Variants in BCAS4 observed in about 807,000 individuals in gnomAD.
BCAS4 encodes breast carcinoma-amplified sequence 4.
Under a neutral mutation model 15.7 loss-of-function variants are expected in BCAS4, and 9 were observed. The observed-to-expected ratio is 0.57, with a 90% CI of 0.34 to 1.00. BCAS4 has a LOEUF of 1.00. Among genes scored for constraint, BCAS4 ranks in the 50% least tolerant of loss-of-function variants. BCAS4 has a pLI of 0.02. For synonymous variants in BCAS4, 101 were observed against 99.5 expected (o/e 1.02, Z -0.09); for missense variants, 225 against 239.1 (o/e 0.94, Z 0.39).
intron 2 of BCAS4, among the ~76,000 whole-genome samples, chr20:50,818,500 T>C (rs1178513297): frequency 6.6e-6 from 1 of 152,220 alleles, no homozygotes; most frequent in Non-Finnish European, 1.5e-5. Context: ...GAGGCGGCCA[T>C]CTTGATCTCG....
At chr20:50,801,543 G>C (rs944680607) in intron 1 of BCAS4, among the ~76,000 whole-genome samples, 1 of 152,152 alleles carries the variant, frequency 6.6e-6, no homozygotes, top group Non-Finnish European at 1.5e-5. Context: ...GTCTTGCTAT[G>C]TTGCCCAGGC....
At chr20:50,880,120 T>C (rs1294821934), downstream of BCAS4, 2 of 152,382 alleles carry the variant, frequency 1.3e-5, no homozygotes, top group Non-Finnish European at 2.9e-5. Flanking sequence ...TCTCTGGGTT[T>C]CCCTGTCCTG....
chr20:50,825,260 A>T (rs952144755), intron 2 of BCAS4, among the ~76,000 whole-genome samples: 1 of 152,188 alleles, frequency 6.6e-6, no homozygotes, highest in African/African-American at 2.4e-5. Flanking sequence ...TTTAATTTTT[A>T]AAATAGAGAT....
chr20:50,827,922 T>C (rs903788326), intron 2 of BCAS4, among the ~76,000 whole-genome samples: 1 of 152,182 alleles, frequency 6.6e-6, no homozygotes, highest in African/African-American at 2.4e-5. Flanking sequence ...AGACAGGGTT[T>C]CTCCATTTTG....
chr20:50,871,514 T>G (rs1979644038), intron 4 of BCAS4, among the ~76,000 whole-genome samples: 1 of 152,226 alleles, frequency 6.6e-6, no homozygotes, highest in African/African-American at 2.4e-5. Flanking sequence ...TATTATCTAT[T>G]TCAGGCAGGA....
At chr20:50,811,165 C>T (rs2088057931) in intron 1 of BCAS4, among the ~76,000 whole-genome samples, 1 of 151,918 alleles carries the variant, frequency 6.6e-6, no homozygotes, top group African/African-American at 2.4e-5. Context: ...GGGGAGGCCC[C>T]CATTAGGTGT....
At chr20:50,794,906 C>A, upstream of BCAS4, 1 of 935,948 alleles carries the variant, frequency 1.1e-6, no homozygotes, top group Non-Finnish European at 1.3e-6. Context: ...CTGGGTGGCG[C>A]TGCCCGCTCG....
chr20:50,798,323 C>CAAAAGAATTAA (rs915002326), intron 1 of BCAS4, among the ~76,000 whole-genome samples: 15 of 151,560 alleles, frequency 9.9e-5, no homozygotes, highest in African/African-American at 3.4e-4. Context: ...AAAAAAAACC[C>CAAAAGAATTAA]AAAAGAATTA....
intron 2 of BCAS4, among the ~76,000 whole-genome samples, chr20:50,826,090 G>A (rs1165592611): frequency 6.6e-6 from 1 of 152,116 alleles, no homozygotes; most frequent in Non-Finnish European, 1.5e-5. Context: ...ATTAACAGAA[G>A]GATACGATTC....
chr20:50,813,799 G>GA (rs914690460), intron 1 of BCAS4, among the ~76,000 whole-genome samples: 13 of 148,272 alleles, frequency 8.8e-5, no homozygotes, highest in Admixed American at 7.4e-4. Context: ...GGGGATGTGG[G>GA]AAAAAAAAGT....
intron 4 of BCAS4, among the ~76,000 whole-genome samples, chr20:50,846,475 A>G (rs774643890): frequency 6.6e-6 from 1 of 152,142 alleles, no homozygotes; most frequent in African/African-American, 2.4e-5. Context: ...TATTAAAATA[A>G]TACCTTTTTG....
intron 4 of BCAS4, among the ~76,000 whole-genome samples, chr20:50,843,045 G>C (rs2088503547): frequency 6.6e-6 from 1 of 152,070 alleles, no homozygotes; most frequent in South Asian, 2.1e-4. Flanking sequence ...TCGCAGCCTG[G>C]AACTCCTGGG....
intron 2 of BCAS4, among the ~76,000 whole-genome samples, chr20:50,822,247 G>A (rs962444731): frequency 6.6e-6 from 1 of 152,160 alleles, no homozygotes; most frequent in East Asian, 1.9e-4. Flanking sequence ...CAGTCCAGTG[G>A]GCAGGAAGGA....
chr20:50,818,881 C>G (rs780062270), intron 2 of BCAS4, among the ~76,000 whole-genome samples: 3 of 152,202 alleles, frequency 2.0e-5, no homozygotes, highest in Non-Finnish European at 4.4e-5. Flanking sequence ...ACGCCAGAGT[C>G]TCTAGAAATC....
At chr20:50,855,736 C>T (rs1388640327) in intron 4 of BCAS4, among the ~76,000 whole-genome samples, 1 of 152,114 alleles carries the variant, frequency 6.6e-6, no homozygotes, top group Non-Finnish European at 1.5e-5. Context: ...CACAGGAGGG[C>T]CCCCCAGGGA....
chr20:50,794,933 GCTGCGAGCCGCGACCGC>G, upstream of BCAS4: 1 of 1,132,658 alleles, frequency 8.8e-7, no homozygotes, highest in Non-Finnish European at 1.1e-6. Flanking sequence ...CGCTCCTGGA[GCTGCGAGCCGCGACCGC>G]CGGGAGCGCA....
chr20:50,802,327 C>T (rs75002332), intron 1 of BCAS4, among the ~76,000 whole-genome samples: 4,916 of 152,240 alleles, frequency 0.032, 101 homozygotes, highest in African/African-American at 0.048. Context: ...CTGAGCTGGC[C>T]GCCTCCCTGC....
At chr20:50,870,041 A>G (rs1372877173) in intron 4 of BCAS4, among the ~76,000 whole-genome samples, 1 of 152,072 alleles carries the variant, frequency 6.6e-6, no homozygotes. Flanking sequence ...GAGCCATCAC[A>G]CCCAGCCTGC....
At chr20:50,880,117 G>T (rs1307858256), downstream of BCAS4, 1 of 152,356 alleles carries the variant, frequency 6.6e-6, no homozygotes, top group Non-Finnish European at 1.5e-5. Flanking sequence ...CTCTCTCTGG[G>T]TTTCCCTGTC....
Sources: gnomAD v4.1 joint callset for allele counts (sites outside exome capture counted in the v4.1 genomes callset) on GRCh38, gnomAD v4.1.1 for gene constraint, MANE v1.5 for transcripts, NCBI Gene and HGNC (gene_info 2026-07-23, HGNC 2026-07-21) for gene names.